Variants in SUMF1 observed in about 807,000 individuals in gnomAD.
The protein encoded by SUMF1 is sulfatase modifying factor 1, also known as formylglycine-generating enzyme.
SUMF1 carries 48 observed loss-of-function variants against 47.6 expected under a neutral mutation model. That is an observed-to-expected ratio of 1.01 (90% CI 0.80 to 1.28). The LOEUF (loss-of-function observed/expected upper bound fraction) is 1.28, where lower values mean the gene tolerates loss of function less well. Among genes scored for constraint, SUMF1 ranks in the 50% most tolerant of loss-of-function variants. The probability of loss-of-function intolerance (pLI) is 0.00; values close to 1 mark genes in which losing one functional copy is unlikely to be tolerated. For synonymous variants in SUMF1, 230 were observed against 192.1 expected, an observed-to-expected ratio of 1.20 and a Z score of -1.63; for missense variants, 571 against 485.4, an observed-to-expected ratio of 1.18 and a Z score of -1.66.
chr3:4,465,215 G>A (rs1411494894), intron 1 of SUMF1, among the ~76,000 whole-genome samples: 1 of 152,204 alleles, frequency 6.6e-6, no homozygotes, highest in African/African-American at 2.4e-5. Context: ...GGTGGCTCAC[G>A]TTTGTAATCC....
At chr3:4,041,171 C>G (rs1694901698) in intron 9 of SUMF1, among the ~76,000 whole-genome samples, 1 of 152,212 alleles carries the variant, frequency 6.6e-6, no homozygotes, top group Non-Finnish European at 1.5e-5. Flanking sequence ...CTCCGGAGTT[C>G]AAGCAATTCT....
rs566659569 is a variant in SUMF1, at chr3:4,131,385, G to C, written c.1015-62640C>G. On this transcript the variant is annotated intron_variant and NMD_transcript_variant, in intron 8 of 12. Coordinates refer to the SUMF1 transcript ENST00000448413. ...GGGAGTTCCCTATGATCAGTTGACA[G>C]AGGAAGAGAAGACTAGGCCCTGGTT... is the stretch of plus-strand genomic sequence containing the variant. 1.2e-4 allele frequency among the ~76,000 whole-genome samples: 19 copies of C among 152,266 alleles called. No individual in the cohort carries two copies. In the South Asian group the frequency reaches 3.7e-3, roughly 30 times the overall value.
At position 4,149,908 on chromosome 3, in the gene SUMF1, C is replaced by A. The variant is rs921756650; in HGVS notation, c.1015-81163G>T. On this transcript the variant is annotated intron_variant and NMD_transcript_variant, in intron 8 of 12. Coordinates refer to the SUMF1 transcript ENST00000448413. ...TTACTTGTTATAAGAAATGCATCAC[C>A]TCAATGGGTACATATTTATAACAGT... Among the ~76,000 whole-genome samples, 62 of 152,166 alleles carry A rather than the reference C, an allele frequency of 4.1e-4. 1 individual carries two copies. Among genetic ancestry groups the A allele is most frequent in the African/African-American group, 1.3e-3 (54 of 41,496 alleles).
intron 8 of SUMF1, among the ~76,000 whole-genome samples, chr3:4,252,101 A>C (rs9879254): frequency 0.033 from 4,974 of 152,198 alleles, 135 homozygotes; most frequent in African/African-American, 0.071. Flanking sequence ...CATGGTCCTC[A>C]CCCCACTGAC....
intron 8 of SUMF1, among the ~76,000 whole-genome samples, chr3:4,236,148 C>G (rs1462250928): frequency 6.6e-6 from 1 of 151,998 alleles, no homozygotes; most frequent in African/African-American, 2.4e-5. Flanking sequence ...GTTGCCCAGG[C>G]TGGTCTTGAA....
intron 8 of SUMF1, among the ~76,000 whole-genome samples, chr3:4,173,646 T>C (rs1180854338): frequency 3.3e-5 from 5 of 152,128 alleles, no homozygotes; most frequent in Admixed American, 3.3e-4. Context: ...CCATCAATGA[T>C]AGACTGGATT....
intron 8 of SUMF1, among the ~76,000 whole-genome samples, chr3:4,362,469 G>C (rs896927131): frequency 8.5e-5 from 13 of 152,258 alleles, no homozygotes; most frequent in African/African-American, 2.6e-4. Context: ...CACGGATATA[G>C]TACAAAGATG....
At chr3:4,143,557 A>G (rs1298743385) in intron 8 of SUMF1, among the ~76,000 whole-genome samples, 2 of 152,186 alleles carry the variant, frequency 1.3e-5, no homozygotes, top group African/African-American at 2.4e-5. Flanking sequence ...TTATTTTGAC[A>G]TAAAACATAA....
At chr3:4,418,548 C>T (rs531317633) in intron 4 of SUMF1, among the ~76,000 whole-genome samples, 3 of 152,334 alleles carry the variant, frequency 2.0e-5, no homozygotes, top group South Asian at 2.1e-4. Flanking sequence ...CCAGCCATTT[C>T]AGCCTACAGT....
chr3:4,368,075 G>T (rs186691058), intron 8 of SUMF1, among the ~76,000 whole-genome samples: 1 of 151,960 alleles, frequency 6.6e-6, no homozygotes, highest in Non-Finnish European at 1.5e-5. Flanking sequence ...GAAAATTTTC[G>T]CAACCTACTC....
chr3:4,130,513 T>C (rs950541585), intron 8 of SUMF1, among the ~76,000 whole-genome samples: 8 of 152,148 alleles, frequency 5.3e-5, no homozygotes, highest in African/African-American at 1.4e-4. Context: ...ATTATGCTGA[T>C]TGGATCCAGT....
At chr3:4,440,903 T>G (rs1342943425) in intron 3 of SUMF1, among the ~76,000 whole-genome samples, 2 of 152,206 alleles carry the variant, frequency 1.3e-5, no homozygotes, top group Non-Finnish European at 2.9e-5. Flanking sequence ...TGTCAAAGTT[T>G]TACGAGTCAT....
intron 8 of SUMF1, among the ~76,000 whole-genome samples, chr3:4,132,819 G>A (rs760296695): frequency 3.3e-5 from 5 of 152,088 alleles, no homozygotes; most frequent in African/African-American, 9.7e-5. Flanking sequence ...ACTCCACAAC[G>A]GAGGTAAGGA....
At chr3:4,213,026 G>C (rs922506256) in intron 8 of SUMF1, among the ~76,000 whole-genome samples, 3 of 152,094 alleles carry the variant, frequency 2.0e-5, no homozygotes. Context: ...AACCCAGCAA[G>C]ACAGGCCAAC....
chr3:4,445,531 GTC>G (rs150097291), intron 3 of SUMF1, among the ~76,000 whole-genome samples: 52 of 149,444 alleles, frequency 3.5e-4, no homozygotes, highest in Non-Finnish European at 4.0e-4. Context: ...TAGAGATGGG[GTC>G]TCTCTCTCTC....
At chr3:4,051,727 C>T (rs1181058115) in intron 9 of SUMF1, among the ~76,000 whole-genome samples, 1 of 152,128 alleles carries the variant, frequency 6.6e-6, no homozygotes, top group Non-Finnish European at 1.5e-5. Flanking sequence ...AATAAAATAT[C>T]ACCACTTACA....
chr3:4,208,465 A>T (rs985145886), intron 8 of SUMF1, among the ~76,000 whole-genome samples: 4 of 93,090 alleles, frequency 4.3e-5, no homozygotes, highest in Non-Finnish European at 8.8e-5. Context: ...GACATTCTAG[A>T]AGGCAAAAAA....
chr3:4,180,136 T>C (rs1185815679), intron 8 of SUMF1, among the ~76,000 whole-genome samples: 2 of 152,184 alleles, frequency 1.3e-5, no homozygotes, highest in South Asian at 2.1e-4. Context: ...GACAGTGTGG[T>C]AATTCCTCAA....
At chr3:4,393,948 T>A (rs1700959049) in intron 7 of SUMF1, among the ~76,000 whole-genome samples, 1 of 152,098 alleles carries the variant, frequency 6.6e-6, no homozygotes, top group Admixed American at 6.6e-5. Context: ...GTAATTAGGA[T>A]CACAACAAGA....
Sources: gnomAD v4.1 joint callset for allele counts (sites outside exome capture counted in the v4.1 genomes callset) on GRCh38, gnomAD v4.1.1 for gene constraint, MANE v1.5 for transcripts, NCBI Gene and HGNC (gene_info 2026-07-23, HGNC 2026-07-21) for gene names.